SLFN12: variants seen among roughly 807,000 people sequenced by gnomAD.
SLFN12 encodes the protein ribonuclease SLFN12.
SLFN12 carries 25 observed loss-of-function variants against 29.1 expected under a neutral mutation model. That is an observed-to-expected ratio of 0.86 (90% CI 0.63 to 1.20). The LOEUF (loss-of-function observed/expected upper bound fraction) is 1.20, where lower values mean the gene tolerates loss of function less well. Ranked by LOEUF, SLFN12 falls within the 50% of genes most tolerant of loss-of-function variation. The pLI is 0.00. For synonymous variants in SLFN12, 257 were observed against 238.7 expected (o/e 1.08, Z -0.71); for missense variants, 660 against 666.2 (o/e 0.99, Z 0.10).
Position 35,422,000 on chromosome 17 carries a change from C to T in SLFN12, c.1029G>A (p.Glu343=). 6.2e-7 allele frequency: 1 copy of T among 1,613,248 alleles called. No individual in the cohort carries two copies. The change falls in exon 2 of 4, where the codon GAG becomes GAA. Residue 343 remains glutamate (E), a synonymous_variant. Coordinates refer to ENST00000304905, the MANE Select transcript of SLFN12 (RefSeq NM_018042.5). The part of the protein sequence containing the change: ...TRKEWIQFMV[E]AEPKFSSSYE... ...TCCCCCGCTCTCAACTTGGTTCAGC[C>T]TCCACCATGAACTGGATCCATTCCT...
In SLFN12 at chr17:35,411,886, T is replaced by C. The variant is rs936593989; in HGVS notation, c.1189A>G (p.Arg397Gly). Residue 397 changes from arginine to glycine, a missense_variant, in exon 4 of 4, where the codon AGA (arginine) becomes GGA (glycine). By Grantham distance (125) the Arg-to-Gly change is moderately radical. Coordinates refer to ENST00000304905, the MANE Select transcript of SLFN12 (RefSeq NM_018042.5). ...RITYTPENLC[R>G]KLFLQHEGLK... ...CCTTCATGTTGTAAGAACAGTTTTC[T>C]GCAAAGGTTTTCTGGAGTATACGTT... is the stretch of plus-strand genomic sequence containing the variant. 6.2e-7 allele frequency: 1 copy of C among 1,612,890 alleles called. No homozygotes were observed. Among genetic ancestry groups the C allele is most frequent in the Admixed American group, 1.7e-5 (1 of 59,930 alleles).
Position 35,423,215 on chromosome 17 carries a change from G to A in SLFN12, c.-40-147C>T. 3 of 783,764 alleles carry A rather than the reference G, an allele frequency of 3.8e-6. No homozygotes were observed. The Admixed American group carries it at 1.1e-4, about 28-fold the overall frequency. 48.6% of individuals were successfully genotyped at this position (783,764 alleles called of 1,614,324 possible). ...GGATATGAAGAGACTGGCAAATTTT[G>A]AGCTAAGACCGCAATAATTTATACT... is the stretch of plus-strand genomic sequence containing the variant. On this transcript the variant is annotated intron_variant, in intron 1 of 3. Transcript: ENST00000304905.
At chr17:35,427,605 A>G (rs754652600) in intron 1 of SLFN12, among the ~76,000 whole-genome samples, 31 of 152,114 alleles carry the variant, frequency 2.0e-4, no homozygotes, top group Non-Finnish European at 2.6e-4. Context: ...ACGAAAATAT[A>G]CTATTTGAAT....
rs1427075573 is a variant in SLFN12, at chr17:35,422,390, C to A, written c.639G>T (p.Lys213Asn). ...GAATCTCTTTAATTCGTTGTAACAA[C>A]TTTTCTGTCGAGAAGTTTTTAATTT... ...HVEIKNFSTE[K>N]LLQRIKEILP... Residue 213 changes from lysine (K) to asparagine (N), a missense_variant, in exon 2 of 4, where the codon AAG becomes AAT. Transcript: ENST00000304905. 9 of 1,613,932 alleles carry A rather than the reference C, an allele frequency of 5.6e-6. No homozygotes were observed. Among genetic ancestry groups the A allele is most frequent in the Non-Finnish European group, 7.6e-6 (9 of 1,179,966 alleles).
At chr17:35,430,638 G>A (rs1416151986) in intron 1 of SLFN12, 1 of 152,070 alleles carries the variant, frequency 6.6e-6, no homozygotes, top group African/African-American at 2.4e-5. Context: ...AGTGCACCAG[G>A]GAGCCTATTA....
chr17:35,412,896 G>C (rs1487074033), intron 3 of SLFN12, among the ~76,000 whole-genome samples: 3 of 151,892 alleles, frequency 2.0e-5, no homozygotes, highest in African/African-American at 7.2e-5. Flanking sequence ...TACAGCCTTA[G>C]AAAAACTAAA....
chr17:35,426,014 T>C (rs1208932112), intron 1 of SLFN12, among the ~76,000 whole-genome samples: 2 of 151,730 alleles, frequency 1.3e-5, no homozygotes, highest in South Asian at 4.1e-4. Context: ...TGATTTCTCA[T>C]TGTGGTTTTA....
At chr17:35,415,574 A>G (rs1318199288) in intron 3 of SLFN12, among the ~76,000 whole-genome samples, 1 of 152,170 alleles carries the variant, frequency 6.6e-6, no homozygotes, top group Non-Finnish European at 1.5e-5. Flanking sequence ...TAAAAAGACA[A>G]TCCACAGAGT....
rs1020367196 is a variant in SLFN12, at chr17:35,411,260, A to G, written c.*78T>C. 2.6e-6 allele frequency: 3 copies of G among 1,172,354 alleles called. No individual in the cohort carries two copies. The highest frequency in any genetic ancestry group is 1.7e-5 in the South Asian group (1 of 59,834). 72.6% of individuals were successfully genotyped at this position (1,172,354 alleles called of 1,614,324 possible). A position where few individuals can be genotyped will look rare whatever the true frequency, so the allele number is the denominator to read the frequency against. On this transcript the variant is annotated 3_prime_UTR_variant, in exon 4 of 4. Coordinates refer to ENST00000304905, the MANE Select transcript of SLFN12 (RefSeq NM_018042.5). ...AGTTGCTTAACTTGCAAAGTTTTCA[A>G]AGAAATATTTTCACAGAATTAGAGA...
rs188836390 is a variant in SLFN12 at position 35,416,220 on chromosome 17, G to A, written c.1147+4054C>T. ...CATTCACAGCAACCTGAATGGGGTG[G>A]GAACCATTATTCTAACTGAAGTAAC... On this transcript the variant is annotated intron_variant, in intron 3 of 3. Coordinates refer to ENST00000304905, the MANE Select transcript of SLFN12 (RefSeq NM_018042.5). 2.0e-4 allele frequency among the ~76,000 whole-genome samples: 30 copies of A among 152,190 alleles called. 1 individual carries two copies. The East Asian group carries it at 5.4e-3, about 27-fold the overall frequency.
intron 3 of SLFN12, among the ~76,000 whole-genome samples, chr17:35,417,105 A>G (rs1948558192): frequency 6.6e-6 from 1 of 152,158 alleles, no homozygotes; most frequent in Non-Finnish European, 1.5e-5. Flanking sequence ...AAAGAAAGAG[A>G]GAAAACTATT....
At chr17:35,420,793 G>C (rs1481147776) in intron 2 of SLFN12, 1 of 154,308 alleles carries the variant, frequency 6.5e-6, no homozygotes, top group African/African-American at 2.4e-5. Flanking sequence ...TTTCATTTGA[G>C]GCTTTCTTTT....
At chr17:35,416,478 C>A (rs930559463) in intron 3 of SLFN12, among the ~76,000 whole-genome samples, 2 of 152,068 alleles carry the variant, frequency 1.3e-5, no homozygotes, top group African/African-American at 2.4e-5. Flanking sequence ...CCATAAACCA[C>A]TTGTTCCCCA....
chr17:35,416,815 A>G (rs1911345093), intron 3 of SLFN12, among the ~76,000 whole-genome samples: 2 of 152,118 alleles, frequency 1.3e-5, no homozygotes, highest in African/African-American at 4.8e-5. Flanking sequence ...GAGCCCTGAT[A>G]GGCTGAGGCA....
intron 1 of SLFN12, among the ~76,000 whole-genome samples, chr17:35,429,132 A>G (rs1912171038): frequency 6.6e-6 from 1 of 152,028 alleles, no homozygotes; most frequent in African/African-American, 2.4e-5. Flanking sequence ...TGCACTGTCT[A>G]CATCAGGCTG....
chr17:35,424,259 T>C (rs1911873513), intron 1 of SLFN12, among the ~76,000 whole-genome samples: 1 of 152,152 alleles, frequency 6.6e-6, no homozygotes, highest in African/African-American at 2.4e-5. Flanking sequence ...AGTGTAACTT[T>C]TAAGTTAAGA....
At chr17:35,414,680 C>T (rs932185433) in intron 3 of SLFN12, among the ~76,000 whole-genome samples, 1 of 152,014 alleles carries the variant, frequency 6.6e-6, no homozygotes, top group Non-Finnish European at 1.5e-5. Context: ...TTTCAGGATA[C>T]AAAACCAATG....
chr17:35,416,804 A>G (rs940053075), intron 3 of SLFN12, among the ~76,000 whole-genome samples: 2 of 152,234 alleles, frequency 1.3e-5, no homozygotes, highest in East Asian at 1.9e-4. Context: ...CTGTAATCCT[A>G]GAGCCCTGAT....
intron 3 of SLFN12, among the ~76,000 whole-genome samples, chr17:35,417,656 T>C (rs777223405): frequency 5.3e-5 from 8 of 151,968 alleles, no homozygotes; most frequent in Non-Finnish European, 1.2e-4. Flanking sequence ...AAAAAAGACA[T>C]TAAAGGCAGA....
Sources: gnomAD v4.1 joint callset for allele counts (sites outside exome capture counted in the v4.1 genomes callset) on GRCh38, gnomAD v4.1.1 for gene constraint, MANE v1.5 for transcripts, NCBI Gene and HGNC (gene_info 2026-07-23, HGNC 2026-07-21) for gene names.